Variants in SLC43A2 observed in about 807,000 individuals in gnomAD.
SLC43A2 encodes large neutral amino acids transporter small subunit 4.
A neutral mutation model predicts 63.2 loss-of-function variants in SLC43A2; 38 were observed. That is an observed-to-expected ratio of 0.60 (90% CI 0.46 to 0.79). The LOEUF (loss-of-function observed/expected upper bound fraction) is 0.79, where lower values mean the gene tolerates loss of function less well. SLC43A2 is among the 30% of genes least tolerant of loss of function. The pLI is 0.00. For missense variants in SLC43A2, 644 were observed against 756.2 expected (o/e 0.85, Z 1.74); for synonymous variants, 322 against 331.0 (o/e 0.97, Z 0.30).
chr17:1,588,314 A>G (rs1457812063), intron 9 of SLC43A2, among the ~76,000 whole-genome samples: 1 of 151,844 alleles, frequency 6.6e-6, no homozygotes, highest in Non-Finnish European at 1.5e-5. Flanking sequence ...TGAACCCGAG[A>G]GGCGGAGGTT....
chr17:1,627,510 C>G (rs1268523252), intron 2 of SLC43A2, among the ~76,000 whole-genome samples: 1 of 152,128 alleles, frequency 6.6e-6, no homozygotes, highest in Admixed American at 6.5e-5. Flanking sequence ...CAAGACAGAT[C>G]GCTCTGAGCC....
chr17:1,592,955 G>A (rs1207267778), intron 6 of SLC43A2, among the ~76,000 whole-genome samples: 3 of 152,184 alleles, frequency 2.0e-5, no homozygotes, highest in South Asian at 2.1e-4. Context: ...CCCCAGCCCC[G>A]AAATGCAAAG....
intron 10 of SLC43A2, 176 bp downstream of exon 10, chr17:1,585,737 G>A (rs2076091249): frequency 1.3e-6 from 2 of 1,563,740 alleles, no homozygotes; most frequent in East Asian, 2.3e-5. Context: ...ATAAAGAGGG[G>A]AGCAGTTGAA....
In SLC43A2 at chr17:1,605,698, C is replaced by T. The variant is rs962138924; in HGVS notation, c.501+7497G>A. On this transcript the variant is annotated intron_variant, in intron 5 of 13. Transcript: ENST00000301335. The surrounding 1 kb of genome is among the most constrained non-coding windows in gnomAD (Gnocchi z 4.9). ...TCCCCAAGTGGCTGGAGTACACACC[C>T]AGAGTTCTGTACAACCTGCACAGGC... Among the ~76,000 whole-genome samples the T allele has an allele frequency of 1.8e-4, 27 of 152,144 alleles. No individual in the cohort carries two copies. The highest frequency in any genetic ancestry group is 3.5e-4 in the Non-Finnish European group (24 of 68,018).
At chr17:1,581,886 A>G (rs1177331749) in intron 11 of SLC43A2, among the ~76,000 whole-genome samples, 2 of 151,166 alleles carry the variant, frequency 1.3e-5, no homozygotes, top group East Asian at 3.9e-4. Context: ...GCTCACTGCA[A>G]CCTCTGCCAC....
At chr17:1,625,012 C>T (rs1908541469) in intron 2 of SLC43A2, among the ~76,000 whole-genome samples, 1 of 152,182 alleles carries the variant, frequency 6.6e-6, no homozygotes, top group Non-Finnish European at 1.5e-5. Flanking sequence ...AGTGGGCCGT[C>T]ACGTTGCCAT....
intron 3 of SLC43A2, 181 bp downstream of exon 3, chr17:1,616,381 G>A (rs1052863702): frequency 1.1e-5 from 7 of 634,898 alleles, no homozygotes; most frequent in African/African-American, 3.7e-5. Context: ...ACTGGAGCAC[G>A]GCGAGGACCA....
At position 1,585,935 on chromosome 17, in the gene SLC43A2, G is replaced by GGC; in HGVS notation, c.1194_1195insGC (p.Pro399AlafsTer43). 1 of 1,613,714 alleles carries GGC rather than the reference G, an allele frequency of 6.2e-7. No homozygotes were observed. The highest frequency in any genetic ancestry group is 8.5e-7 in the Non-Finnish European group (1 of 1,180,012). On this transcript the variant is annotated frameshift_variant, in exon 10 of 14. Transcript: ENST00000301335. LOFTEE classifies it high-confidence loss of function. ...CACTGGTTGGCGTCTTTCTCCTCGG[G>GGC]CTCCTCGGAGGCGTCTTCACACTCC...
intron 9 of SLC43A2, chr17:1,586,930 C>CCCCCCCCCCCCCCCCTCCCCCTGG: frequency 1.3e-6 from 1 of 783,186 alleles, no homozygotes; most frequent in Non-Finnish European, 2.0e-6. Context: ...CCTGACAATC[C>CCCCCCCCCCCCCCCCTCCCCCTGG]CCCCCACCCC....
intron 2 of SLC43A2, among the ~76,000 whole-genome samples, chr17:1,622,821 G>A (rs1908294947): frequency 1.3e-5 from 2 of 152,234 alleles, no homozygotes; most frequent in South Asian, 4.1e-4. Context: ...GGCTGAGGCA[G>A]GAGAATCACT....
intron 6 of SLC43A2, among the ~76,000 whole-genome samples, chr17:1,592,600 A>G (rs935016102): frequency 6.6e-6 from 1 of 151,864 alleles, no homozygotes; most frequent in Non-Finnish European, 1.5e-5. Context: ...ATTCCCACAC[A>G]CACCACCGAG....
intron 5 of SLC43A2, among the ~76,000 whole-genome samples, chr17:1,608,541 A>G (rs5019940): frequency 0.19 from 28,285 of 152,030 alleles, 2,723 homozygotes; most frequent in South Asian, 0.24. Flanking sequence ...TTACAGGAAC[A>G]TGCCACCATC....
chr17:1,583,286 T>G lies in SLC43A2; in HGVS notation c.1268A>C (p.Asn423Thr). 6.2e-7 allele frequency: 1 copy of G among 1,614,174 alleles called. No homozygotes were observed. Among genetic ancestry groups the G allele is most frequent in the African/African-American group, 1.3e-5 (1 of 75,056 alleles). ...KRDRQIQKIT[N>T]AMRAFAFTNL... ...GGTGAAGGCGAAGGCCCGCATGGCA[T>G]TAGTGATCTTCTGGATCTGCCGGTC... Residue 423 changes from asparagine to threonine, a missense_variant, in exon 11 of 14, where the codon AAT becomes ACT. Physicochemically the swap from Asn to Thr is moderately conservative, Grantham distance 65. Around this residue, in one of 3 missense-constraint regions of SLC43A2, gnomAD observed 528 missense variants for 623.6 expected, o/e 0.85. Coordinates refer to ENST00000301335, the MANE Select transcript of SLC43A2 (RefSeq NM_152346.3). This position sits in a 1 kb window ranked among gnomAD's most constrained non-coding sequence, Gnocchi z 5.5.
At position 1,591,300 on chromosome 17, in the gene SLC43A2, GT is replaced by G; in HGVS notation, c.899del (p.Asp300AlafsTer4). On this transcript the variant is annotated frameshift_variant, in exon 8 of 14. Coordinates refer to ENST00000301335, the MANE Select transcript of SLC43A2 (RefSeq NM_152346.3). LOFTEE classifies it high-confidence loss of function. Reference protein sequence around the residue: ...EGHKLCLSTVDLEVKCQPDAA... With the variant: ...EGHKLCLSTVXLEVKCQPDAA... ...CATCCGGCTGGCACTTCACCTCCAG[GT>G]CGACGGTGGACAGGCACAGCTTGTG... The G allele has an allele frequency of 6.2e-7, 1 of 1,606,660 alleles. No individual in the cohort carries two copies. Among genetic ancestry groups the G allele is most frequent in the Non-Finnish European group, 8.5e-7 (1 of 1,179,926 alleles).
intron 5 of SLC43A2, among the ~76,000 whole-genome samples, chr17:1,608,657 G>T (rs764299254): frequency 2.0e-5 from 3 of 152,166 alleles, no homozygotes; most frequent in African/African-American, 7.2e-5. Context: ...GCCTCCCAAA[G>T]TGCTGGGATT....
intron 9 of SLC43A2, chr17:1,586,928 T>TGCGGCCCCCCC: frequency 8.1e-7 from 1 of 1,232,912 alleles, no homozygotes; most frequent in Non-Finnish European, 1.1e-6. Context: ...TCCCTGACAA[T>TGCGGCCCCCCC]CCCCCCCACC....
intron 2 of SLC43A2, among the ~76,000 whole-genome samples, 178 bp from the exon 3 acceptor site, chr17:1,616,947 T>G (rs1907740999): frequency 6.6e-6 from 1 of 152,218 alleles, no homozygotes; most frequent in Non-Finnish European, 1.5e-5. Flanking sequence ...CCAAGTCCCC[T>G]GGAGTGAAAA....
chr17:1,571,372 T>A lies in SLC43A2; in HGVS notation c.*4232A>T, dbSNP rs2075844646. 6.6e-6 allele frequency: 1 copy of A among 152,304 alleles called. No homozygotes were observed. The allele number at this position is 152,304 out of a possible 1,614,324, so 9.4% of individuals were successfully genotyped here. On this transcript the variant is annotated 3_prime_UTR_variant, in exon 14 of 14. Coordinates refer to ENST00000301335, the MANE Select transcript of SLC43A2 (RefSeq NM_152346.3). This position sits in a 1 kb window ranked among gnomAD's most constrained non-coding sequence, Gnocchi z 5.2. The stretch of plus-strand genomic sequence containing the variant: ...CGTTGGCACAGATAAGGGGAGCTGC[T>A]GCTGAAGGAGCCCGACGGCTGATTC...
In SLC43A2 at chr17:1,578,373, C is replaced by T; in HGVS notation, c.1351-50G>A. 1 of 1,567,408 alleles carries T rather than the reference C, an allele frequency of 6.4e-7. No individual in the cohort carries two copies. On this transcript the variant is annotated intron_variant, in intron 11 of 13. Coordinates refer to ENST00000301335, the MANE Select transcript of SLC43A2 (RefSeq NM_152346.3). This position sits in a 1 kb window ranked among gnomAD's most constrained non-coding sequence, Gnocchi z 6.5. Reference sequence around the variant, plus strand: ...GGCATAAGGCCTTAAGGGACCGTCCCCTCAGCCCCCGCCCTCCAATTCCTG... The same window carrying T: ...GGCATAAGGCCTTAAGGGACCGTCCTCTCAGCCCCCGCCCTCCAATTCCTG...
Sources: gnomAD v4.1 joint callset for allele counts (sites outside exome capture counted in the v4.1 genomes callset) on GRCh38, gnomAD v4.1.1 for gene constraint, gnomAD v4.1.1 regional missense constraint, Gnocchi (gnomAD v3.1) non-coding constraint, MANE v1.5 for transcripts, NCBI Gene and HGNC (gene_info 2026-07-23, HGNC 2026-07-21) for gene names.